The following ATXN2 variants were observed in gnomAD, a reference collection of about 807,000 sequenced individuals.
ATXN2 encodes the protein ataxin-2.
ATXN2 carries 37 observed loss-of-function variants against 138.6 expected under a neutral mutation model. The observed-to-expected ratio is 0.27, with a 90% CI of 0.21 to 0.35. The LOEUF (loss-of-function observed/expected upper bound fraction) is 0.35. Among genes scored for constraint, ATXN2 ranks in the 10% least tolerant of loss-of-function variants. ATXN2 has a pLI of 1.00. For synonymous variants in ATXN2, 549 were observed against 543.7 expected (o/e 1.01, Z -0.13); for missense variants, 1,216 against 1,480.3 (o/e 0.82, Z 2.93).
chr12:111,598,954 CT>C lies in ATXN2; in HGVS notation c.80del (p.Gln27ArgfsTer19), dbSNP rs1885092171. On this transcript the variant is annotated frameshift_variant, in exon 1 of 25. Coordinates refer to ENST00000673436, the MANE Select transcript of ATXN2 (RefSeq NM_001372574.1). LOFTEE classifies it high-confidence loss of function. This position sits in a 1 kb window ranked among gnomAD's most constrained non-coding sequence, Gnocchi z 4.5. Reference sequence around the variant, plus strand: ...CATTGGCAGCCGCGGGCGGCGGCTGCTGCTGCTGCTGCTGCTGCTGCTGTTG... The same window carrying C: ...CATTGGCAGCCGCGGGCGGCGGCTGCGCTGCTGCTGCTGCTGCTGCTGTTG... ...QQQQQQQQQQ[Q>X]QPPPAAANVR... is the part of the protein sequence containing the mutation. 5.6e-5 allele frequency: 39 copies of C among 701,946 alleles called. No individual in the cohort carries two copies. The highest frequency in any genetic ancestry group is 3.0e-4 in the East Asian group (6 of 19,940). 43.5% of individuals were successfully genotyped at this position (701,946 alleles called of 1,614,324 possible).
chr12:111,590,144 G>A (rs1884582125), intron 1 of ATXN2, among the ~76,000 whole-genome samples: 1 of 152,140 alleles, frequency 6.6e-6, no homozygotes, highest in African/African-American at 2.4e-5. Flanking sequence ...AACCTGGGAA[G>A]TGGAGGTTAC....
rs1252315052 is a variant in ATXN2 at position 111,540,591 on chromosome 12, C to A, written c.571+11689G>T. On this transcript the variant is annotated intron_variant, in intron 5 of 24. Transcript: ENST00000673436. ...CTTAAATCATTACAAGTGAGGAGGG[C>A]CACCTTTTCATACATTCACTGGTCA... Among the ~76,000 whole-genome samples the A allele has an allele frequency of 1.3e-5, 2 of 150,366 alleles. 1 individual carries two copies. The highest frequency in any genetic ancestry group is 3.0e-5 in the Non-Finnish European group (2 of 67,082).
chr12:111,565,302 C>A (rs1882934545), intron 1 of ATXN2, among the ~76,000 whole-genome samples: 1 of 152,168 alleles, frequency 6.6e-6, no homozygotes, highest in East Asian at 1.9e-4. Flanking sequence ...CCGAGTCGGG[C>A]AAGTCCATTA....
chr12:111,457,000 G>A (rs906494161), intron 22 of ATXN2, among the ~76,000 whole-genome samples: 7 of 152,018 alleles, frequency 4.6e-5, no homozygotes, highest in African/African-American at 7.2e-5. Flanking sequence ...CACCCGCCTC[G>A]GCCTCCCAAA....
Position 111,598,155 on chromosome 12 carries a change from G to A in ATXN2, c.251+629C>T. 4 of 1,103,154 alleles carry A rather than the reference G, an allele frequency of 3.6e-6. No homozygotes were observed. Among genetic ancestry groups the A allele is most frequent in the Non-Finnish European group, 4.5e-6 (4 of 895,494 alleles). 68.3% of individuals were successfully genotyped at this position (1,103,154 alleles called of 1,614,324 possible). On this transcript the variant is annotated intron_variant, in intron 1 of 24. Coordinates refer to ENST00000673436, the MANE Select transcript of ATXN2 (RefSeq NM_001372574.1). The surrounding 1 kb of genome is among the most constrained non-coding windows in gnomAD (Gnocchi z 4.5). Reference sequence around the variant, plus strand: ...GCCGCCTCGGACACGAACGCAGAGGGGTGCGGGGGCCAAGGCCCACTTGTC... The same window carrying A: ...GCCGCCTCGGACACGAACGCAGAGGAGTGCGGGGGCCAAGGCCCACTTGTC...
At chr12:111,490,119 A>G (rs1386598659) in intron 14 of ATXN2, among the ~76,000 whole-genome samples, 3 of 151,548 alleles carry the variant, frequency 2.0e-5, no homozygotes, top group African/African-American at 7.3e-5. Context: ...ACATATGAGA[A>G]TTGCTTGAAC....
At chr12:111,553,494 A>C (rs1052201066) in intron 3 of ATXN2, among the ~76,000 whole-genome samples, 6 of 141,756 alleles carry the variant, frequency 4.2e-5, no homozygotes, top group East Asian at 4.3e-4. Flanking sequence ...AAATTGTCAT[A>C]CTGTATTGTT....
intron 14 of ATXN2, among the ~76,000 whole-genome samples, chr12:111,498,135 A>T (rs1414106139): frequency 6.6e-6 from 1 of 152,186 alleles, no homozygotes; most frequent in Non-Finnish European, 1.5e-5. Context: ...GAAAAACTGA[A>T]AGGCTTTCCT....
intron 5 of ATXN2, among the ~76,000 whole-genome samples, chr12:111,543,578 C>A (rs1388290897): frequency 6.6e-6 from 1 of 152,140 alleles, no homozygotes; most frequent in Admixed American, 6.5e-5. Flanking sequence ...GGATTAGAGG[C>A]GCACACCAGC....
At chr12:111,561,398 G>C (rs1034867307) in intron 1 of ATXN2, among the ~76,000 whole-genome samples, 1 of 152,102 alleles carries the variant, frequency 6.6e-6, no homozygotes, top group African/African-American at 2.4e-5. Flanking sequence ...GGAGGAGGTG[G>C]CTGAGGGAGG....
intron 14 of ATXN2, among the ~76,000 whole-genome samples, chr12:111,493,973 C>G (rs1878229813): frequency 6.6e-6 from 1 of 151,770 alleles, no homozygotes; most frequent in Admixed American, 6.6e-5. Flanking sequence ...CTCTGTTGCC[C>G]AGACTGGAGT....
chr12:111,504,441 C>T (rs1240223671), intron 14 of ATXN2, among the ~76,000 whole-genome samples: 1 of 152,140 alleles, frequency 6.6e-6, no homozygotes, highest in Non-Finnish European at 1.5e-5. Context: ...CAGGTGTGCG[C>T]CACCACACCC....
chr12:111,472,529 T>C (rs1876488204), intron 18 of ATXN2, among the ~76,000 whole-genome samples: 1 of 152,134 alleles, frequency 6.6e-6, no homozygotes, highest in Non-Finnish European at 1.5e-5. Context: ...AGGCATACAC[T>C]GAAAAAAATG....
At chr12:111,586,388 G>GTTTTTTTT (rs759694846) in intron 1 of ATXN2, among the ~76,000 whole-genome samples, 3 of 114,864 alleles carry the variant, frequency 2.6e-5, no homozygotes, top group Non-Finnish European at 5.6e-5. Flanking sequence ...CCCAAGTCTG[G>GTTTTTTTT]TTTTTTTTTT....
chr12:111,573,448 G>A (rs1035265618), intron 1 of ATXN2, among the ~76,000 whole-genome samples: 4 of 152,094 alleles, frequency 2.6e-5, no homozygotes, highest in Admixed American at 1.3e-4. Flanking sequence ...CACACGCCTC[G>A]GCCTCCCAAA....
chr12:111,552,581 T>C lies in ATXN2; in HGVS notation c.421-151A>G, dbSNP rs897088675. The stretch of plus-strand genomic sequence containing the variant: ...CCCTTTTTCCCAGGCATATGATCTA[T>C]TATCCATTCCATCATTTAAAAATCC... On this transcript the variant is annotated intron_variant, in intron 4 of 24. Coordinates refer to ENST00000673436, the MANE Select transcript of ATXN2 (RefSeq NM_001372574.1). The surrounding 1 kb of genome is among the most constrained non-coding windows in gnomAD (Gnocchi z 4.1). 2.6e-6 allele frequency: 2 copies of C among 765,902 alleles called. No individual in the cohort carries two copies. The highest frequency in any genetic ancestry group is 3.9e-6 in the Non-Finnish European group (2 of 509,806). The allele number at this position is 765,902 out of a possible 1,614,324, so 47.4% of individuals were successfully genotyped here.
At chr12:111,547,829 CTTG>C (rs1304849661) in intron 5 of ATXN2, among the ~76,000 whole-genome samples, 1 of 134,638 alleles carries the variant, frequency 7.4e-6, no homozygotes, top group Non-Finnish European at 1.6e-5. Context: ...TCTTATATTG[CTTG>C]AGAATTTTTT....
At chr12:111,536,718 T>C (rs1881197386) in intron 5 of ATXN2, among the ~76,000 whole-genome samples, 1 of 151,888 alleles carries the variant, frequency 6.6e-6, no homozygotes, top group African/African-American at 2.4e-5. Flanking sequence ...TGTGTATGTA[T>C]GTATGAGTAT....
chr12:111,528,903 TA>T (rs1880652123), intron 5 of ATXN2, among the ~76,000 whole-genome samples: 2 of 152,346 alleles, frequency 1.3e-5, no homozygotes, highest in East Asian at 1.9e-4. Flanking sequence ...TCCACTATCG[TA>T]AATTCTGATT....
Sources: gnomAD v4.1 joint callset for allele counts (sites outside exome capture counted in the v4.1 genomes callset) on GRCh38, gnomAD v4.1.1 for gene constraint, Gnocchi (gnomAD v3.1) non-coding constraint, MANE v1.5 for transcripts, NCBI Gene and HGNC (gene_info 2026-07-23, HGNC 2026-07-21) for gene names.